ST3GAL4: variants seen among roughly 807,000 people sequenced by gnomAD.
The protein encoded by ST3GAL4 is ST3 beta-galactoside alpha-2,3-sialyltransferase 4.
Under a neutral mutation model 42.6 loss-of-function variants are expected in ST3GAL4, and 24 were observed. The observed-to-expected ratio is 0.56, with a 90% CI of 0.41 to 0.79. The LOEUF (loss-of-function observed/expected upper bound fraction) is 0.79, where lower values mean the gene tolerates loss of function less well. Among genes scored for constraint, ST3GAL4 ranks in the 30% least tolerant of loss-of-function variants. The pLI is 0.00. For missense variants in ST3GAL4, 311 were observed against 430.8 expected (o/e 0.72, Z 2.46); for synonymous variants, 135 against 163.2 (o/e 0.83, Z 1.32).
rs1565402790 is a variant in ST3GAL4, at chr11:126,379,517, G to T, written c.-61+23675G>T. 6.6e-6 allele frequency among the ~76,000 whole-genome samples: 1 copy of T among 151,948 alleles called. No homozygotes were observed. The highest frequency in any genetic ancestry group is 2.4e-5 in the African/African-American group (1 of 41,348). On this transcript the variant is annotated intron_variant, in intron 1 of 10. Transcript: ENST00000444328. The surrounding 1 kb of genome is among the most constrained non-coding windows in gnomAD (Gnocchi z 4.2). ...ATTGAGACGGAGTTTCTCTCTTGTT[G>T]CCCAGGCTGCAGTGCAGTGGCACGA... is the stretch of plus-strand genomic sequence containing the variant.
rs1221317712 is a variant in ST3GAL4, at chr11:126,379,852, C to T, written c.-61+24010C>T. Among the ~76,000 whole-genome samples, 1 of 152,156 alleles carries T rather than the reference C, an allele frequency of 6.6e-6. No homozygotes were observed. The highest frequency in any genetic ancestry group is 1.5e-5 in the Non-Finnish European group (1 of 68,034). ...AAGAGAGCTCTCATTAGCTGTGAAACATGTACCCAAGGTTCAAGATCCTGA... is the reference window on the plus strand; with the variant it reads ...AAGAGAGCTCTCATTAGCTGTGAAATATGTACCCAAGGTTCAAGATCCTGA... On this transcript the variant is annotated intron_variant, in intron 1 of 10. Transcript: ENST00000444328. The surrounding 1 kb of genome is among the most constrained non-coding windows in gnomAD (Gnocchi z 4.2).
Position 126,359,964 on chromosome 11 carries a change from C to T in ST3GAL4, c.-61+4122C>T, listed in dbSNP as rs1047761834. 1.3e-5 allele frequency among the ~76,000 whole-genome samples: 2 copies of T among 152,368 alleles called. No homozygotes were observed. Among genetic ancestry groups the T allele is most frequent in the Non-Finnish European group, 2.9e-5 (2 of 68,036 alleles). On this transcript the variant is annotated intron_variant, in intron 1 of 10. Transcript: ENST00000444328. The surrounding 1 kb of genome is among the most constrained non-coding windows in gnomAD (Gnocchi z 4.8). The stretch of plus-strand genomic sequence containing the variant: ...ACAGGGAACCCAGCCAAAGTGGCTG[C>T]TCCTGGCGTCTGGCATCCTGATTCC...
chr11:126,392,499 C>A lies in ST3GAL4; in HGVS notation c.-60-13597C>A. 2.4e-6 allele frequency: 1 copy of A among 413,830 alleles called. No homozygotes were observed. The highest frequency in any genetic ancestry group is 3.3e-6 in the Non-Finnish European group (1 of 307,388). The allele number at this position is 413,830 out of a possible 1,614,324, so 25.6% of individuals were successfully genotyped here. The stretch of plus-strand genomic sequence containing the variant: ...TGGCTCTGCCAGCTCCCAGTGTGAG[C>A]TTCTAGCAAGCCCCTTGTGCCTTAG... On this transcript the variant is annotated intron_variant, in intron 1 of 10. Coordinates refer to ENST00000444328, the MANE Select transcript of ST3GAL4 (RefSeq NM_001254757.2). The surrounding 1 kb of genome is among the most constrained non-coding windows in gnomAD (Gnocchi z 5.8).
Position 126,373,744 on chromosome 11 carries a change from A to G in ST3GAL4, c.-61+17902A>G, listed in dbSNP as rs1952736487. 6.6e-6 allele frequency among the ~76,000 whole-genome samples: 1 copy of G among 152,082 alleles called. No individual in the cohort carries two copies. The highest frequency in any genetic ancestry group is 2.4e-5 in the African/African-American group (1 of 41,408). On this transcript the variant is annotated intron_variant, in intron 1 of 10. Coordinates refer to ENST00000444328, the MANE Select transcript of ST3GAL4 (RefSeq NM_001254757.2). This position sits in a 1 kb window ranked among gnomAD's most constrained non-coding sequence, Gnocchi z 5.5. ...GCTTGAGAGATGTTTCCATCCTCCC[A>G]TGCATGACCCTGAGGCAGTTAGCTG...
intron 1 of ST3GAL4, among the ~76,000 whole-genome samples, chr11:126,382,495 AG>A (rs1332911634): frequency 1.3e-5 from 2 of 150,264 alleles, no homozygotes; most frequent in African/African-American, 4.9e-5. Context: ...CAGGGGACTG[AG>A]GGCCGAGCTC....
In ST3GAL4 at chr11:126,386,621, A is replaced by G. The variant is rs1451941263; in HGVS notation, c.-60-19475A>G. The stretch of plus-strand genomic sequence containing the variant: ...ATTAGGAAGTGGGTACAGCTGGACA[A>G]AAGGTGGCTGGAGCCAGCTCTGCAG... On this transcript the variant is annotated intron_variant, in intron 1 of 10. Coordinates refer to ENST00000444328, the MANE Select transcript of ST3GAL4 (RefSeq NM_001254757.2). The surrounding 1 kb of genome is among the most constrained non-coding windows in gnomAD (Gnocchi z 4.7). Among the ~76,000 whole-genome samples, 4 of 152,136 alleles carry G rather than the reference A, an allele frequency of 2.6e-5. No individual in the cohort carries two copies. Among genetic ancestry groups the G allele is most frequent in the African/African-American group, 9.7e-5 (4 of 41,434 alleles).
intron 1 of ST3GAL4, among the ~76,000 whole-genome samples, chr11:126,394,215 G>A (rs1448674070): frequency 6.6e-6 from 1 of 152,176 alleles, no homozygotes; most frequent in Non-Finnish European, 1.5e-5. Flanking sequence ...AGATCCTTGG[G>A]GTGGGTGCAT....
intron 1 of ST3GAL4, among the ~76,000 whole-genome samples, chr11:126,370,961 C>T (rs1305777338): frequency 6.6e-6 from 1 of 151,950 alleles, no homozygotes; most frequent in Non-Finnish European, 1.5e-5. Flanking sequence ...AACCACTGTG[C>T]CTGGCCCTCG....
At position 126,409,271 on chromosome 11, in the gene ST3GAL4, C is replaced by G; in HGVS notation, c.631C>G (p.Arg211Gly). The change falls in exon 9 of 11, where the codon CGA becomes GGA. Residue 211 changes from arginine to glycine, a missense_variant. Coordinates refer to ENST00000444328, the MANE Select transcript of ST3GAL4 (RefSeq NM_001254757.2). This position sits in a 1 kb window ranked among gnomAD's most constrained non-coding sequence, Gnocchi z 4.9. ...TCTTCTGACCCCATCCTCCTAGGTG[C>G]GAAAGGGTTTCTGGAAACAGCCTCC... ...ETILSDKKRV[R>G]KGFWKQPPLI... 1.2e-6 allele frequency: 2 copies of G among 1,614,176 alleles called. No homozygotes were observed. The highest frequency in any genetic ancestry group is 1.7e-6 in the Non-Finnish European group (2 of 1,180,004).
chr11:126,385,332 T>G (rs1414741332), intron 1 of ST3GAL4, among the ~76,000 whole-genome samples: 2 of 151,910 alleles, frequency 1.3e-5, no homozygotes, highest in Non-Finnish European at 2.9e-5. Context: ...TTTTTTATTT[T>G]TAGTAGAGAC....
At position 126,379,887 on chromosome 11, in the gene ST3GAL4, A is replaced by G. The variant is rs182236872; in HGVS notation, c.-61+24045A>G. ...AGGTTCAAGATCCTGACATTTTGCT[A>G]CGGTGAGAATAGTAACTGAAACTGG... On this transcript the variant is annotated intron_variant, in intron 1 of 10. Coordinates refer to ENST00000444328, the MANE Select transcript of ST3GAL4 (RefSeq NM_001254757.2). The surrounding 1 kb of genome is among the most constrained non-coding windows in gnomAD (Gnocchi z 4.2). 2.4e-4 allele frequency among the ~76,000 whole-genome samples: 37 copies of G among 152,300 alleles called. No homozygotes were observed. Among genetic ancestry groups the G allele is most frequent in the Admixed American group, 2.2e-3 (33 of 15,278 alleles).
rs752532606 is a variant in ST3GAL4, at chr11:126,406,162, A to G, written c.7A>G (p.Ser3Gly). MV[S>G]KSRWKLLAML... ...CTGCTGCCTGCTGAGAAACATGGTC[A>G]GCAAGTCCCGTGAGTGTCATCCGAG... is the stretch of plus-strand genomic sequence containing the variant. The change falls in exon 2 of 11, where the codon AGC (serine) becomes GGC (glycine). Residue 3 changes from serine (S) to glycine (G), a missense_variant. Transcript: ENST00000444328. This position sits in a 1 kb window ranked among gnomAD's most constrained non-coding sequence, Gnocchi z 5.4. 12 of 1,557,344 alleles carry G rather than the reference A, an allele frequency of 7.7e-6. No homozygotes were observed. The highest frequency in any genetic ancestry group is 9.6e-6 in the Non-Finnish European group (11 of 1,150,350).
chr11:126,384,560 G>A lies in ST3GAL4; in HGVS notation c.-60-21536G>A, dbSNP rs1007411749. Among the ~76,000 whole-genome samples, 4 of 152,154 alleles carry A rather than the reference G, an allele frequency of 2.6e-5. No individual in the cohort carries two copies. The highest frequency in any genetic ancestry group is 9.7e-5 in the African/African-American group (4 of 41,440). ...TGGACAGGAGGCTGGTGTCTGGTCA[G>A]GCTGAGGGATCCGTGTGCCAGCCCT... On this transcript the variant is annotated intron_variant, in intron 1 of 10. Transcript: ENST00000444328. The surrounding 1 kb of genome is among the most constrained non-coding windows in gnomAD (Gnocchi z 5.5).
intron 5 of ST3GAL4, 22 bp from the exon 6 acceptor site, chr11:126,407,552 C>T (rs1311538563): frequency 1.2e-6 from 2 of 1,614,088 alleles, no homozygotes; most frequent in Non-Finnish European, 1.7e-6. Flanking sequence ...ACATCAGTCC[C>T]TCCGCCTGGT....
Position 126,383,889 on chromosome 11 carries a change from C to T in ST3GAL4, c.-60-22207C>T, listed in dbSNP as rs557061895. Among the ~76,000 whole-genome samples, 27 of 152,216 alleles carry T rather than the reference C, an allele frequency of 1.8e-4. No homozygotes were observed. In the South Asian group the frequency reaches 5.0e-3, roughly 28 times the overall value. Reference sequence around the variant, plus strand: ...TTACTCTGAGGGGGTGGGCTTCCTGCGGGGGACAAACTGGAGAGGGACTCT... The same window carrying T: ...TTACTCTGAGGGGGTGGGCTTCCTGTGGGGGACAAACTGGAGAGGGACTCT... On this transcript the variant is annotated intron_variant, in intron 1 of 10. Transcript: ENST00000444328. This position sits in a 1 kb window ranked among gnomAD's most constrained non-coding sequence, Gnocchi z 4.5.
intron 1 of ST3GAL4, among the ~76,000 whole-genome samples, chr11:126,377,755 C>T (rs868225224): frequency 5.3e-5 from 8 of 152,164 alleles, no homozygotes; most frequent in African/African-American, 1.9e-4. Flanking sequence ...GGATTATAGG[C>T]GTGAGCCATG....
Position 126,408,331 on chromosome 11 carries a change from C to T in ST3GAL4, c.462C>T (p.Gly154=), listed in dbSNP as rs1407569961. ...VIRLNNAPVA[G]YEGDVGSKTT... Reference sequence around the variant, plus strand: ...GATTGAACAATGCCCCAGTGGCTGGCTATGAGGGTGACGTGGGCTCCAAGA... The same window carrying T: ...GATTGAACAATGCCCCAGTGGCTGGTTATGAGGGTGACGTGGGCTCCAAGA... The change falls in exon 8 of 11, where the codon GGC becomes GGT. Residue 154 remains glycine (G), a synonymous_variant. Transcript: ENST00000444328. 12 of 1,614,190 alleles carry T rather than the reference C, an allele frequency of 7.4e-6. No individual in the cohort carries two copies. Among genetic ancestry groups the T allele is most frequent in the South Asian group, 1.1e-5 (1 of 91,074 alleles).
intron 1 of ST3GAL4, among the ~76,000 whole-genome samples, chr11:126,382,743 C>T (rs926044197): frequency 6.6e-6 from 1 of 152,160 alleles, no homozygotes; most frequent in Non-Finnish European, 1.5e-5. Context: ...GGGCCATAGC[C>T]CAGACCTGTT....
intron 1 of ST3GAL4, among the ~76,000 whole-genome samples, chr11:126,401,895 G>A (rs1954012648): frequency 6.6e-6 from 1 of 152,080 alleles, no homozygotes; most frequent in Admixed American, 6.6e-5. Flanking sequence ...GGAGGGAGAT[G>A]CAGGGGTAGC....
Sources: gnomAD v4.1 joint callset for allele counts (sites outside exome capture counted in the v4.1 genomes callset) on GRCh38, gnomAD v4.1.1 for gene constraint, Gnocchi (gnomAD v3.1) non-coding constraint, MANE v1.5 for transcripts, NCBI Gene and HGNC (gene_info 2026-07-23, HGNC 2026-07-21) for gene names.